Variants in KIAA1549 observed in about 807,000 individuals in gnomAD.
KIAA1549 encodes the protein KIAA1549.
KIAA1549 carries 70 observed loss-of-function variants against 156.4 expected under a neutral mutation model. That is an observed-to-expected ratio of 0.45 (90% CI 0.37 to 0.55). The LOEUF is 0.55. Among genes scored for constraint, KIAA1549 ranks in the 20% least tolerant of loss-of-function variants. The pLI, the probability that KIAA1549 is intolerant of heterozygous loss-of-function variation, is 0.00. For synonymous variants in KIAA1549, 1,103 were observed against 1,066.4 expected (o/e 1.03, Z -0.67); for missense variants, 2,428 against 2,540.9 (o/e 0.96, Z 0.96).
chr7:138,850,369 C>T (rs141333099), intron 17 of KIAA1549, among the ~76,000 whole-genome samples: 48 of 152,218 alleles, frequency 3.2e-4, no homozygotes, highest in African/African-American at 1.2e-3. Flanking sequence ...TTATTTTCGA[C>T]CTTTTAATAA....
chr7:138,913,911 G>A (rs1294396916), intron 2 of KIAA1549, among the ~76,000 whole-genome samples: 1 of 151,584 alleles, frequency 6.6e-6, no homozygotes, highest in Non-Finnish European at 1.5e-5. Flanking sequence ...GAAGAGGGAG[G>A]GAGAAATGAG....
chr7:138,943,620 C>T (rs560260066), intron 1 of KIAA1549, among the ~76,000 whole-genome samples: 19 of 152,190 alleles, frequency 1.2e-4, no homozygotes, highest in Admixed American at 9.8e-4. Context: ...GAGGCCAAGG[C>T]GGGTGGATCA....
At chr7:138,864,014 C>G (rs111692111) in intron 15 of KIAA1549, among the ~76,000 whole-genome samples, 85 of 152,204 alleles carry the variant, frequency 5.6e-4, no homozygotes, top group Admixed American at 3.5e-3. Context: ...GATGAGGAAG[C>G]CTGGTCGGCA....
At chr7:138,977,475 C>T (rs891462744) in intron 1 of KIAA1549, among the ~76,000 whole-genome samples, 8 of 152,140 alleles carry the variant, frequency 5.3e-5, no homozygotes, top group Admixed American at 2.0e-4. Context: ...AAGGCCCCTG[C>T]GTAAGCTTCA....
chr7:138,970,076 CTT>C (rs1814173748), intron 1 of KIAA1549, among the ~76,000 whole-genome samples: 1 of 152,188 alleles, frequency 6.6e-6, no homozygotes. Context: ...ATTCTTAACT[CTT>C]TTCCTTTTTT....
At chr7:138,915,349 C>A (rs1812286257) in intron 2 of KIAA1549, among the ~76,000 whole-genome samples, 1 of 152,056 alleles carries the variant, frequency 6.6e-6, no homozygotes, top group African/African-American at 2.4e-5. Context: ...CGTGTCTTAC[C>A]CATCTGTATA....
rs746632195 is a variant in KIAA1549, at chr7:138,833,122, C to T, written c.*4784G>A. On this transcript the variant is annotated 3_prime_UTR_variant, in exon 20 of 20. Coordinates refer to ENST00000422774, the MANE Select transcript of KIAA1549 (RefSeq NM_001164665.2). ...GTGGATAAGCAGGCTCTAGTACTGG[C>T]GCTGGCACCTTGCTCCGGAGGTAGA... The T allele has an allele frequency of 2.0e-4, 47 of 232,228 alleles. No homozygotes were observed. Among genetic ancestry groups the T allele is most frequent in the African/African-American group, 5.1e-4 (23 of 45,398 alleles). 14.4% of individuals were successfully genotyped at this position (232,228 alleles called of 1,614,324 possible). A position where few individuals can be genotyped will look rare whatever the true frequency, so the allele number is the denominator to read the frequency against.
At chr7:138,847,848 A>G (rs907720145) in intron 17 of KIAA1549, among the ~76,000 whole-genome samples, 1 of 152,252 alleles carries the variant, frequency 6.6e-6, no homozygotes, top group Non-Finnish European at 1.5e-5. Flanking sequence ...TGACATTTTT[A>G]AAATACTGAG....
chr7:138,937,513 G>C (rs1339459825), intron 1 of KIAA1549, among the ~76,000 whole-genome samples: 2 of 152,208 alleles, frequency 1.3e-5, no homozygotes, highest in Non-Finnish European at 2.9e-5. Context: ...TGGCTGAGAA[G>C]AGGAGACAGA....
At chr7:138,899,592 G>A (rs1172570349) in intron 8 of KIAA1549, among the ~76,000 whole-genome samples, 1 of 152,130 alleles carries the variant, frequency 6.6e-6, no homozygotes, top group Non-Finnish European at 1.5e-5. Flanking sequence ...TGCTAGGGCA[G>A]GGCTTCTCAA....
chr7:138,869,357 G>A (rs943019899), intron 14 of KIAA1549, among the ~76,000 whole-genome samples, 181 bp downstream of exon 14: 2 of 152,240 alleles, frequency 1.3e-5, no homozygotes, highest in Non-Finnish European at 2.9e-5. Context: ...CCTTCCGAGT[G>A]GCCTCCACAT....
At chr7:138,929,363 CTGTT>C in intron 1 of KIAA1549, among the ~76,000 whole-genome samples, 1 of 152,194 alleles carries the variant, frequency 6.6e-6, no homozygotes, top group Middle Eastern at 3.4e-3. Flanking sequence ...GACTCCTCGT[CTGTT>C]TAAGTTTGAC....
chr7:138,927,145 A>AT (rs1451879676), intron 1 of KIAA1549, among the ~76,000 whole-genome samples: 1 of 152,080 alleles, frequency 6.6e-6, no homozygotes, highest in Admixed American at 6.6e-5. Context: ...TTTGTACATA[A>AT]TTTTTTCATT....
intron 19 of KIAA1549, 38 bp downstream of exon 19, chr7:138,840,095 C>T: frequency 2.0e-6 from 3 of 1,533,938 alleles, no homozygotes; most frequent in Non-Finnish European, 2.6e-6. Context: ...TGGCCTATGT[C>T]TAAATTTTAA....
At chr7:138,909,177 T>C (rs567360641) in intron 4 of KIAA1549, 56 bp from the exon 5 acceptor site, 13 of 1,555,382 alleles carry the variant, frequency 8.4e-6, no homozygotes, top group South Asian at 4.7e-5. Context: ...TTCTGAAGTA[T>C]TAAGGAATCA....
chr7:138,892,314 GATA>G (rs1383867208), intron 10 of KIAA1549, among the ~76,000 whole-genome samples: 1 of 152,188 alleles, frequency 6.6e-6, no homozygotes, highest in Non-Finnish European at 1.5e-5. Context: ...TGAAGTTACA[GATA>G]ATAGATGGAC....
chr7:138,837,982 G>A lies in KIAA1549; in HGVS notation c.5777C>T (p.Ser1926Phe), dbSNP rs756109100. 1 of 1,613,580 alleles carries A rather than the reference G, an allele frequency of 6.2e-7. No homozygotes were observed. The highest frequency in any genetic ancestry group is 8.5e-7 in the Non-Finnish European group (1 of 1,179,778). The change falls in exon 20 of 20, where the codon TCT (serine) becomes TTT (phenylalanine). Residue 1926 changes from serine (S) to phenylalanine (F), a missense_variant. Ser to Phe is a radical substitution (Grantham distance 155). Around this residue, in one of 5 missense-constraint regions of KIAA1549, gnomAD observed 363 missense variants for 354.0 expected, o/e 1.03. Transcript: ENST00000422774. The stretch of plus-strand genomic sequence containing the variant: ...CTCCTCGCGGATTGCTTTGATGAGA[G>A]AGGCCGAGGAGTGGCCAGGCTGGAG... The part of the protein sequence containing the change: ...EDLQPGHSSA[S>F]LIKAIREELL...
intron 1 of KIAA1549, among the ~76,000 whole-genome samples, chr7:138,940,527 C>T (rs1354750670): frequency 1.3e-5 from 2 of 151,478 alleles, no homozygotes; most frequent in Non-Finnish European, 2.9e-5. Flanking sequence ...TGGGTATATA[C>T]CCAGTAATGG....
Position 138,871,359 on chromosome 7 carries a change from G to A in KIAA1549, c.4349C>T (p.Pro1450Leu), listed in dbSNP as rs746841437. 5 of 1,528,512 alleles carry A rather than the reference G, an allele frequency of 3.3e-6. No homozygotes were observed. In the East Asian group the frequency reaches 9.4e-5, roughly 29 times the overall value. 94.7% of individuals were successfully genotyped at this position (1,528,512 alleles called of 1,614,324 possible). A position where few individuals can be genotyped will look rare whatever the true frequency, so the allele number is the denominator to read the frequency against. ...GRSHRAPQSG[P>L]PLPSSGNEQH... ...CTCATTTCCCGAACTGGGCAGTGGT[G>A]GCCCTGGAACAGAAGGAAAAGCAAA... Residue 1450 changes from proline to leucine, a missense_variant, in exon 13 of 20, where the codon CCA becomes CTA. Around this residue, in one of 5 missense-constraint regions of KIAA1549, gnomAD observed 404 missense variants for 417.0 expected, o/e 0.97. Coordinates refer to ENST00000422774, the MANE Select transcript of KIAA1549 (RefSeq NM_001164665.2).
Sources: gnomAD v4.1 joint callset for allele counts (sites outside exome capture counted in the v4.1 genomes callset) on GRCh38, gnomAD v4.1.1 for gene constraint, gnomAD v4.1.1 regional missense constraint, MANE v1.5 for transcripts, NCBI Gene and HGNC (gene_info 2026-07-23, HGNC 2026-07-21) for gene names.